CMPK1: variants seen among roughly 807,000 people sequenced by gnomAD.
The protein encoded by CMPK1 is cytidine/uridine monophosphate kinase 1.
In CMPK1, 10 loss-of-function variants were observed where a neutral mutation model predicts 25.7. The ratio of observed to expected loss-of-function variants is 0.39; its 90% CI spans 0.24 to 0.66. The LOEUF is 0.66. Ranked by LOEUF, CMPK1 falls within the 30% of genes least tolerant of loss-of-function variation. The pLI is 0.48. For synonymous variants in CMPK1, 106 were observed against 101.5 expected, an observed-to-expected ratio of 1.04 and a Z score of -0.27; for missense variants, 199 against 280.5, an observed-to-expected ratio of 0.71 and a Z score of 2.08.
intron 1 of CMPK1, among the ~76,000 whole-genome samples, chr1:47,365,611 G>A (rs1419060298): frequency 7.5e-6 from 1 of 132,954 alleles, no homozygotes; most frequent in Non-Finnish European, 1.5e-5. Flanking sequence ...TCCAATCTGG[G>A]TGACAGAGTG....
intron 1 of CMPK1, among the ~76,000 whole-genome samples, chr1:47,352,164 G>T (rs1413031646): frequency 2.6e-5 from 4 of 152,016 alleles, no homozygotes; most frequent in African/African-American, 9.7e-5. Context: ...AAAATAAAAA[G>T]ATGTCTTTTA....
chr1:47,362,856 C>T (rs917014411), intron 1 of CMPK1, among the ~76,000 whole-genome samples: 9 of 152,172 alleles, frequency 5.9e-5, no homozygotes, highest in Non-Finnish European at 1.0e-4. Context: ...AGATATTATA[C>T]TCAGCTTTCT....
At chr1:47,346,470 A>AT (rs1405986021) in intron 1 of CMPK1, among the ~76,000 whole-genome samples, 1 of 151,158 alleles carries the variant, frequency 6.6e-6, no homozygotes. Context: ...TTTCTTATTA[A>AT]TTTTATCTCC....
At chr1:47,355,051 A>G (rs1287518925) in intron 1 of CMPK1, among the ~76,000 whole-genome samples, 1 of 151,908 alleles carries the variant, frequency 6.6e-6, no homozygotes, top group Non-Finnish European at 1.5e-5. Flanking sequence ...AAATGGAATC[A>G]CATTGTCTTT....
Position 47,339,754 on chromosome 1 carries a change from C to T in CMPK1, c.171+5638C>T, listed in dbSNP as rs534916175. Among the ~76,000 whole-genome samples, 221 of 138,886 alleles carry T rather than the reference C, an allele frequency of 1.6e-3. 3 individuals are homozygous for T. Among genetic ancestry groups the T allele is most frequent in the Non-Finnish European group, 2.1e-3 (138 of 65,914 alleles). The allele number at this position is 138,886 out of a possible 152,430, so 91.1% of individuals were successfully genotyped here. ...ACAGAGCCTTACTCTGTCGCCCAGA[C>T]GGGAGTGCAGTGGCATGATCTCGGC... On this transcript the variant is annotated intron_variant, in intron 1 of 5. Coordinates refer to ENST00000371873, the MANE Select transcript of CMPK1 (RefSeq NM_016308.3).
Position 47,359,386 on chromosome 1 carries a change from C to CTTTT in CMPK1, c.172-9067_172-9064dup, listed in dbSNP as rs71053107. 4.6e-4 allele frequency among the ~76,000 whole-genome samples: 47 copies of CTTTT among 102,730 alleles called. 1 individual carries two copies. Among genetic ancestry groups the CTTTT allele is most frequent in the Non-Finnish European group, 6.5e-4 (36 of 55,580 alleles). 67.4% of individuals were successfully genotyped at this position (102,730 alleles called of 152,430 possible). On this transcript the variant is annotated intron_variant, in intron 1 of 5. Coordinates refer to ENST00000371873, the MANE Select transcript of CMPK1 (RefSeq NM_016308.3). ...TAGTGGTTGTTAAGAAACCTTTTTT[C>CTTTT]TTTTTTTTTTTTTTTTTTTGAGATA...
intron 1 of CMPK1, among the ~76,000 whole-genome samples, chr1:47,350,231 G>C (rs1646513385): frequency 6.6e-6 from 1 of 151,770 alleles, no homozygotes; most frequent in Non-Finnish European, 1.5e-5. Flanking sequence ...GAGCCACCAT[G>C]CTCCACCTAC....
chr1:47,377,546 C>T lies in CMPK1; in HGVS notation c.*801C>T. On this transcript the variant is annotated 3_prime_UTR_variant, in exon 6 of 6. Coordinates refer to ENST00000371873, the MANE Select transcript of CMPK1 (RefSeq NM_016308.3). ...CAGTGGAACCTTGAAATGCATGTGG[C>T]TAGATTTATGCTAAAATGATTCTCA... is the stretch of plus-strand genomic sequence containing the variant. 6.6e-6 allele frequency: 1 copy of T among 152,242 alleles called. No individual in the cohort carries two copies. Among genetic ancestry groups the T allele is most frequent in the East Asian group, 1.9e-4 (1 of 5,196 alleles). 9.4% of individuals were successfully genotyped at this position (152,242 alleles called of 1,614,324 possible).
chr1:47,333,837 C>G lies in CMPK1; in HGVS notation c.-109C>G, dbSNP rs1443596649. 16 of 684,928 alleles carry G rather than the reference C, an allele frequency of 2.3e-5. No individual in the cohort carries two copies. Among genetic ancestry groups the G allele is most frequent in the Non-Finnish European group, 2.9e-5 (16 of 552,162 alleles). The allele number at this position is 684,928 out of a possible 1,614,324, so 42.4% of individuals were successfully genotyped here. On this transcript the variant is annotated 5_prime_UTR_variant, in exon 1 of 6. Coordinates refer to ENST00000371873, the MANE Select transcript of CMPK1 (RefSeq NM_016308.3). ...GCCCGGGCAGCCACGGCGGCGGGGC[C>G]GCGGCGGGCGCCGGCTCAGCCCGCC... is the stretch of plus-strand genomic sequence containing the variant.
intron 1 of CMPK1, among the ~76,000 whole-genome samples, chr1:47,360,104 G>A (rs1646591336): frequency 6.6e-6 from 1 of 152,144 alleles, no homozygotes; most frequent in South Asian, 2.1e-4. Context: ...GACTAAGTGA[G>A]CGTTTCCTAA....
intron 5 of CMPK1, among the ~76,000 whole-genome samples, chr1:47,376,294 G>A (rs186095610): frequency 1.1e-3 from 160 of 151,652 alleles, no homozygotes; most frequent in African/African-American, 3.7e-3. Flanking sequence ...TGGAGATGGA[G>A]TCTTTATTTT....
Position 47,378,238 on chromosome 1 carries a change from T to TTTGAAGTGGCC in CMPK1, c.*1493_*1494insTTGAAGTGGCC, listed in dbSNP as rs1169929521. On this transcript the variant is annotated 3_prime_UTR_variant, in exon 6 of 6. Coordinates refer to ENST00000371873, the MANE Select transcript of CMPK1 (RefSeq NM_016308.3). ...GAAAACAAAGTATTGCTAAGTACTA[T>TTTGAAGTGGCC]AACATATTGGCCACTAAAATTCATA... 1 of 152,192 alleles carries TTTGAAGTGGCC rather than the reference T, an allele frequency of 6.6e-6. No individual in the cohort carries two copies. The highest frequency in any genetic ancestry group is 1.5e-5 in the Non-Finnish European group (1 of 68,022). 9.4% of individuals were successfully genotyped at this position (152,192 alleles called of 1,614,324 possible). A position where few individuals can be genotyped will look rare whatever the true frequency, so the allele number is the denominator to read the frequency against.
At chr1:47,336,463 A>T (rs1646399696) in intron 1 of CMPK1, among the ~76,000 whole-genome samples, 1 of 152,142 alleles carries the variant, frequency 6.6e-6, no homozygotes, top group Admixed American at 6.6e-5. Flanking sequence ...TTCTGATCTT[A>T]TTACCTCTAC....
Position 47,374,913 on chromosome 1 carries a change from G to A in CMPK1, c.476G>A (p.Cys159Tyr). The A allele has an allele frequency of 1.2e-6, 2 of 1,607,584 alleles. No individual in the cohort carries two copies. The highest frequency in any genetic ancestry group is 8.5e-7 in the Non-Finnish European group (1 of 1,174,862). Residue 159 changes from cysteine to tyrosine, a missense_variant, in exon 4 of 6, where the codon TGT (cysteine) becomes TAT (tyrosine). Physicochemically the swap from Cys to Tyr is radical, Grantham distance 194 (BLOSUM62 -2). This residue lies in a region of CMPK1 where 140 missense variants were observed against 235.5 expected (regional missense o/e 0.59). Transcript: ENST00000371873. ...VLFFDCNNEI[C>Y]IERCLERGKS... The stretch of plus-strand genomic sequence containing the variant: ...TAACTTTGTATCTCTTTTTAGATTT[G>A]TATTGAACGATGTCTTGAGAGGGGA...
chr1:47,339,948 TC>T (rs1234987730), intron 1 of CMPK1, among the ~76,000 whole-genome samples: 3 of 151,840 alleles, frequency 2.0e-5, no homozygotes, highest in Non-Finnish European at 4.4e-5. Context: ...CTTCAGGTGA[TC>T]CGCCTGCCTC....
rs1646372923 is a variant in CMPK1 at position 47,333,868 on chromosome 1, C to T, written c.-78C>T. The stretch of plus-strand genomic sequence containing the variant: ...GGGCGCCGGCTCAGCCCGCCCCTTT[C>T]TCCCGCCGCCTCCCCGCCCCGCCCC... On this transcript the variant is annotated 5_prime_UTR_variant, in exon 1 of 6. Transcript: ENST00000371873. 9.6e-7 allele frequency: 1 copy of T among 1,042,542 alleles called. No homozygotes were observed. The highest frequency in any genetic ancestry group is 1.2e-6 in the Non-Finnish European group (1 of 850,560). 64.6% of individuals were successfully genotyped at this position (1,042,542 alleles called of 1,614,324 possible). A position where few individuals can be genotyped will look rare whatever the true frequency, so the allele number is the denominator to read the frequency against.
intron 1 of CMPK1, among the ~76,000 whole-genome samples, chr1:47,344,955 T>G (rs1013767832): frequency 6.6e-6 from 1 of 151,988 alleles, no homozygotes; most frequent in Admixed American, 6.6e-5. Flanking sequence ...CTGGCTCTGT[T>G]GCTCAGGCTG....
chr1:47,365,100 T>G (rs1263002748), intron 1 of CMPK1, among the ~76,000 whole-genome samples: 2 of 152,146 alleles, frequency 1.3e-5, no homozygotes, highest in Admixed American at 6.5e-5. Flanking sequence ...GCTTTAAAAA[T>G]ACATTTGTAT....
At chr1:47,357,478 G>C (rs2245850) in intron 1 of CMPK1, among the ~76,000 whole-genome samples, 145,550 of 149,412 alleles carry the variant, frequency 0.97, 70,989 homozygotes, top group East Asian at 1. Context: ...GGCATTAATG[G>C]ATTCTTTTTT....
Sources: allele counts gnomAD v4.1 joint callset (sites outside exome capture counted in the v4.1 genomes callset), GRCh38; gene constraint gnomAD v4.1.1; regional missense constraint gnomAD v4.1.1; transcripts MANE v1.5; gene names NCBI Gene and HGNC (gene_info 2026-07-23, HGNC 2026-07-21).